The following COL4A2 variants were observed in gnomAD, a reference collection of about 807,000 sequenced individuals.
COL4A2 encodes collagen alpha-2(IV) chain.
In COL4A2, 99 loss-of-function variants were observed where a neutral mutation model predicts 200.2. The ratio of observed to expected loss-of-function variants is 0.49; its 90% CI spans 0.42 to 0.58. The LOEUF (loss-of-function observed/expected upper bound fraction) is 0.58, where lower values mean the gene tolerates loss of function less well. COL4A2 is among the 20% of genes least tolerant of loss of function. The pLI is 0.00. For missense variants in COL4A2, 1,950 were observed against 2,314.1 expected, an observed-to-expected ratio of 0.84 and a Z score of 3.23; for synonymous variants, 897 against 900.6, an observed-to-expected ratio of 1.00 and a Z score of 0.07.
chr13:110,418,238 G>C (rs944129459), intron 4 of COL4A2, among the ~76,000 whole-genome samples: 2 of 152,154 alleles, frequency 1.3e-5, no homozygotes, highest in Non-Finnish European at 2.9e-5. Context: ...CTTTAGTATT[G>C]AGTTTTGAGA....
intron 18 of COL4A2, among the ~76,000 whole-genome samples, chr13:110,448,021 G>A (rs1881395446): frequency 6.6e-6 from 1 of 152,194 alleles, no homozygotes; most frequent in East Asian, 1.9e-4. Context: ...TGTCTGGGGA[G>A]GCGTGGAGCC....
At chr13:110,446,604 G>T (rs1401332376) in intron 17 of COL4A2, among the ~76,000 whole-genome samples, 194 bp from the exon 18 acceptor site, 1 of 152,218 alleles carries the variant, frequency 6.6e-6, no homozygotes, top group Admixed American at 6.5e-5. Context: ...CCTGTGGCTG[G>T]TGGCTGGGAT....
intron 30 of COL4A2, among the ~76,000 whole-genome samples, chr13:110,479,053 A>G (rs1263415441): frequency 1.3e-5 from 2 of 152,184 alleles, no homozygotes; most frequent in Non-Finnish European, 2.9e-5. Flanking sequence ...GGACTCAGGT[A>G]GGGCCCGCTC....
In COL4A2 at chr13:110,469,133, CA is replaced by C. The variant is rs1882364254; in HGVS notation, c.2096-83del. 2.1e-6 allele frequency: 3 copies of C among 1,454,950 alleles called. No homozygotes were observed. The East Asian group carries it at 7.5e-5, about 36-fold the overall frequency. The allele number at this position is 1,454,950 out of a possible 1,614,324, so 90.1% of individuals were successfully genotyped here. A position where few individuals can be genotyped will look rare whatever the true frequency, so the allele number is the denominator to read the frequency against. On this transcript the variant is annotated intron_variant, in intron 27 of 47. Coordinates refer to ENST00000360467, the MANE Select transcript of COL4A2 (RefSeq NM_001846.4). ...CATCATTTCCCGGTTTCATGAGATC[CA>C]CATTAAGTCAGATGCCAAGCATGAC...
intron 20 of COL4A2, among the ~76,000 whole-genome samples, chr13:110,452,120 T>TTTG (rs1881559745): frequency 6.6e-6 from 1 of 151,280 alleles, no homozygotes; most frequent in Non-Finnish European, 1.5e-5. Context: ...AAAGTCTCTG[T>TTTG]TTTGTTTGTT....
At chr13:110,353,308 G>A (rs1221731608) in intron 3 of COL4A2, among the ~76,000 whole-genome samples, 1 of 152,184 alleles carries the variant, frequency 6.6e-6, no homozygotes, top group African/African-American at 2.4e-5. Flanking sequence ...GCTGCAGGGT[G>A]GGAGGAAACT....
At chr13:110,434,354 C>CT (rs1486982315) in intron 11 of COL4A2, 47 bp from the exon 12 acceptor site, 6 of 1,555,138 alleles carry the variant, frequency 3.9e-6, no homozygotes, top group Non-Finnish European at 5.3e-6. Context: ...TTATTTCTCT[C>CT]TGATTATTGG....
chr13:110,424,641 A>AG (rs1555328099), intron 4 of COL4A2, 93 bp from the exon 5 acceptor site: 8 of 457,896 alleles, frequency 1.7e-5, no homozygotes, highest in Non-Finnish European at 2.6e-5. Context: ...CTTTAAAAAC[A>AG]AAAAAAAAAA....
intron 21 of COL4A2, 81 bp downstream of exon 21, chr13:110,457,516 C>A (rs1227546069): frequency 7.4e-6 from 6 of 812,720 alleles, no homozygotes; most frequent in Non-Finnish European, 1.3e-5. Context: ...AAATCCATCC[C>A]CCACTCACGT....
chr13:110,371,695 G>C (rs1878015475), intron 4 of COL4A2, among the ~76,000 whole-genome samples: 1 of 152,184 alleles, frequency 6.6e-6, no homozygotes, highest in African/African-American at 2.4e-5. Flanking sequence ...TCTCCACGTA[G>C]CTCTGCTGTG....
At chr13:110,438,820 A>ACC in intron 15 of COL4A2, 152 bp downstream of exon 15, 1 of 677,610 alleles carries the variant, frequency 1.5e-6, no homozygotes, top group Non-Finnish European at 2.4e-6. Flanking sequence ...CCACACACAC[A>ACC]CACAGCAGCC....
intron 16 of COL4A2, among the ~76,000 whole-genome samples, chr13:110,441,637 T>C (rs1881125942): frequency 6.6e-6 from 1 of 151,994 alleles, no homozygotes; most frequent in Non-Finnish European, 1.5e-5. Flanking sequence ...GAAAAGCAAA[T>C]ATTGTAAAGG....
intron 4 of COL4A2, among the ~76,000 whole-genome samples, chr13:110,364,411 G>A (rs1215086747): frequency 6.6e-6 from 1 of 152,208 alleles, no homozygotes; most frequent in African/African-American, 2.4e-5. Flanking sequence ...TGGTGTTATA[G>A]TGGTTCTTTT....
intron 4 of COL4A2, among the ~76,000 whole-genome samples, chr13:110,390,004 TCA>T (rs1878927103): frequency 1.3e-5 from 2 of 152,334 alleles, no homozygotes; most frequent in South Asian, 4.1e-4. Flanking sequence ...TGAAATTAAC[TCA>T]GTTTTATTAA....
At chr13:110,330,305 C>T (rs887350372) in intron 3 of COL4A2, among the ~76,000 whole-genome samples, 14 of 152,006 alleles carry the variant, frequency 9.2e-5, no homozygotes, top group Admixed American at 2.6e-4. Flanking sequence ...GGTTTCGGGG[C>T]GAGTGTGGAA....
At chr13:110,340,056 C>T (rs577113113) in intron 3 of COL4A2, among the ~76,000 whole-genome samples, 1 of 152,224 alleles carries the variant, frequency 6.6e-6, no homozygotes, top group Non-Finnish European at 1.5e-5. Flanking sequence ...AAATGGGCCT[C>T]CTGGTTCACA....
In COL4A2 at chr13:110,409,180, C is replaced by T. The variant is rs144673117; in HGVS notation, c.181-15554C>T. Among the ~76,000 whole-genome samples the T allele has an allele frequency of 5.1e-3, 783 of 152,216 alleles. 2 individuals are homozygous for T. Among genetic ancestry groups the T allele is most frequent in the Middle Eastern group, 0.014 (4 of 294 alleles). ...ACATGCACATATACACATGTACACACATACACGCACATATACACATGCACA... is the reference window on the plus strand; with the variant it reads ...ACATGCACATATACACATGTACACATATACACGCACATATACACATGCACA... On this transcript the variant is annotated intron_variant, in intron 4 of 47. Coordinates refer to ENST00000360467, the MANE Select transcript of COL4A2 (RefSeq NM_001846.4).
intron 18 of COL4A2, among the ~76,000 whole-genome samples, chr13:110,448,647 A>G (rs555086293): frequency 2.3e-4 from 35 of 152,378 alleles, no homozygotes; most frequent in African/African-American, 7.9e-4. Flanking sequence ...CCTAGAAATA[A>G]AAGTAATCTT....
At chr13:110,448,814 G>T (rs755462269) in intron 18 of COL4A2, among the ~76,000 whole-genome samples, 24 of 152,242 alleles carry the variant, frequency 1.6e-4, no homozygotes, top group Non-Finnish European at 3.1e-4. Flanking sequence ...CCCTCTGGGT[G>T]ACCCTGTGAG....
Sources: allele counts gnomAD v4.1 joint callset (sites outside exome capture counted in the v4.1 genomes callset), GRCh38; gene constraint gnomAD v4.1.1; transcripts MANE v1.5; gene names NCBI Gene and HGNC (gene_info 2026-07-23, HGNC 2026-07-21).